LARGE2: variants seen among roughly 807,000 people sequenced by gnomAD.
LARGE2 encodes xylosyl- and glucuronyltransferase LARGE2.
Under a neutral mutation model 75.3 loss-of-function variants are expected in LARGE2, and 63 were observed. That is an observed-to-expected ratio of 0.84 (90% CI 0.68 to 1.03). LARGE2 has a LOEUF of 1.03. Ranked by LOEUF, LARGE2 falls within the 50% of genes least tolerant of loss-of-function variation. LARGE2 has a pLI of 0.00. For synonymous variants in LARGE2, 428 were observed against 420.1 expected, an observed-to-expected ratio of 1.02 and a Z score of -0.23; for missense variants, 925 against 980.6, an observed-to-expected ratio of 0.94 and a Z score of 0.76.
At chr11:45,927,620 A>G (rs755413862) in intron 11 of LARGE2, 27 bp downstream of exon 11, 8 of 1,608,304 alleles carry the variant, frequency 5.0e-6, no homozygotes, top group Non-Finnish European at 6.8e-6. Flanking sequence ...AGAGGGGAAC[A>G]ATATATGGGG....
Position 45,924,266 on chromosome 11 carries a change from G to A in LARGE2, c.481G>A (p.Asp161Asn). 3 of 1,613,194 alleles carry A rather than the reference G, an allele frequency of 1.9e-6. No individual in the cohort carries two copies. Among genetic ancestry groups the A allele is most frequent in the East Asian group, 4.5e-5 (2 of 44,864 alleles). The change falls in exon 4 of 14, where the codon GAC (aspartate) becomes AAC (asparagine). Residue 161 changes from aspartate to asparagine, a missense_variant. By Grantham distance (23) the Asp-to-Asn change is conservative (BLOSUM62 1). Transcript: ENST00000401752. ...TGTCCGTGTCAGCTTTTATCATGCCGACCAGCTCAAGGCAGGGGCCCAGCC... is the reference window on the plus strand; with the variant it reads ...TGTCCGTGTCAGCTTTTATCATGCCAACCAGCTCAAGGCAGGGGCCCAGCC... The part of the protein sequence containing the change: ...PAVRVSFYHA[D>N]QLKPQVSWIP...
rs138349426 is a variant in LARGE2, at chr11:45,928,331, G to A, written c.1909G>A (p.Gly637Ser). The change falls in exon 13 of 14, where the codon GGC becomes AGC. Residue 637 changes from glycine to serine, a missense_variant. By Grantham distance (56) the Gly-to-Ser change is moderately conservative. This residue lies in a region of LARGE2 where 469 missense variants were observed against 503.8 expected (regional missense o/e 0.93). Coordinates refer to ENST00000401752, the MANE Select transcript of LARGE2 (RefSeq NM_001300721.2). Reference protein sequence around the residue: ...PRYDPRFVGFGWNKVAHIVEL... With the variant: ...PRYDPRFVGFSWNKVAHIVEL... Reference sequence around the variant, plus strand: ...CTATGATCCTCGCTTTGTGGGCTTCGGCTGGAACAAAGTGGCCCACATTGT... The same window carrying A: ...CTATGATCCTCGCTTTGTGGGCTTCAGCTGGAACAAAGTGGCCCACATTGT... 3.3e-5 allele frequency: 54 copies of A among 1,614,144 alleles called. 1 individual carries two copies. In the African/African-American group the frequency reaches 5.5e-4, roughly 16 times the overall value.
rs1196719669 is a variant in LARGE2 at position 45,927,891 on chromosome 11, C to T, written c.1605-29C>T. 1.1e-5 allele frequency: 17 copies of T among 1,610,928 alleles called. No homozygotes were observed. In the East Asian group the frequency reaches 3.6e-4, roughly 34 times the overall value. On this transcript the variant is annotated intron_variant, in intron 11 of 13. Coordinates refer to ENST00000401752, the MANE Select transcript of LARGE2 (RefSeq NM_001300721.2). ...GCCCAGTCCTAGATGCCCCGCTCTT[C>T]TCCCCTGCTCATGGGTGCTCCTCCT...
intron 2 of LARGE2, 105 bp from the exon 3 acceptor site, chr11:45,923,368 C>T: frequency 8.1e-7 from 1 of 1,235,760 alleles, no homozygotes; most frequent in Non-Finnish European, 1.2e-6. Flanking sequence ...GCTGCCCCCT[C>T]CGCACACTGT....
At chr11:45,924,336 A>G (rs112333453) in intron 4 of LARGE2, 59 bp downstream of exon 4, 1 of 1,596,508 alleles carries the variant, frequency 6.3e-7, no homozygotes, top group Non-Finnish European at 8.5e-7. Flanking sequence ...CCTCTCTCCA[A>G]GACCTGGTGG....
chr11:45,929,051 T>TAAA lies in LARGE2; in HGVS notation c.*206_*207insAAA. The TAAA allele has an allele frequency of 4.8e-6, 3 of 631,428 alleles. No homozygotes were observed. The highest frequency in any genetic ancestry group is 3.7e-5 in the African/African-American group (2 of 54,558). The allele number at this position is 631,428 out of a possible 1,614,324, so 39.1% of individuals were successfully genotyped here. ...AGCCAGTTTGGGGCTGGTTCCCCCATCTTGAATTGTTTATCCCTTTTTCAT... is the reference window on the plus strand; with the variant it reads ...AGCCAGTTTGGGGCTGGTTCCCCCATAAACTTGAATTGTTTATCCCTTTTTCAT... On this transcript the variant is annotated 3_prime_UTR_variant, in exon 14 of 14. Coordinates refer to ENST00000401752, the MANE Select transcript of LARGE2 (RefSeq NM_001300721.2).
Position 45,926,251 on chromosome 11 carries a change from C to G in LARGE2, c.912C>G (p.His304Gln). ...QDIFNAVIKEHPGLVQRLPCV... is the reference protein window; with the variant it reads ...QDIFNAVIKEQPGLVQRLPCV... Reference sequence around the variant, plus strand: ...TCTTCAACGCTGTGATCAAGGAGCACCCGGGGCTAGTGCAGCGTCTGCCTT... The same window carrying G: ...TCTTCAACGCTGTGATCAAGGAGCAGCCGGGGCTAGTGCAGCGTCTGCCTT... The change falls in exon 8 of 14, where the codon CAC (histidine) becomes CAG (glutamine). Residue 304 changes from histidine (H) to glutamine (Q), a missense_variant. Physicochemically the swap from His to Gln is conservative, Grantham distance 24 (BLOSUM62 0). Coordinates refer to ENST00000401752, the MANE Select transcript of LARGE2 (RefSeq NM_001300721.2). 1 of 1,614,184 alleles carries G rather than the reference C, an allele frequency of 6.2e-7. No individual in the cohort carries two copies. The highest frequency in any genetic ancestry group is 8.5e-7 in the Non-Finnish European group (1 of 1,180,024).
In LARGE2 at chr11:45,926,820, C is replaced by CA; in HGVS notation, c.1275dup (p.Pro426ThrfsTer70). On this transcript the variant is annotated frameshift_variant, in exon 10 of 14. Transcript: ENST00000401752. LOFTEE classifies it high-confidence loss of function. ...GTCACTTTCCTGCCCCATGAACCGC[C>CA]ACCCCCCCGGCCTCACGATGTCACC... The CA allele has an allele frequency of 6.2e-7, 1 of 1,613,478 alleles. No individual in the cohort carries two copies. The highest frequency in any genetic ancestry group is 8.5e-7 in the Non-Finnish European group (1 of 1,180,012).
At position 45,926,039 on chromosome 11, in the gene LARGE2, G is replaced by A. The variant is rs747133536; in HGVS notation, c.770G>A (p.Gly257Asp). The change falls in exon 7 of 14, where the codon GGT becomes GAT. Residue 257 changes from glycine to aspartate, a missense_variant and splice_region_variant. This residue lies in a region of LARGE2 where 453 missense variants were observed against 460.2 expected (regional missense o/e 0.98). Coordinates refer to ENST00000401752, the MANE Select transcript of LARGE2 (RefSeq NM_001300721.2). ...CATGACAGCATCTCTTCATTGGCAG[G>A]TGTGATCCTGCTGCGGCTGGACCGG... is the stretch of plus-strand genomic sequence containing the variant. ...WPALGRGFNT[G>D]VILLRLDRLR... The A allele has an allele frequency of 6.4e-6, 10 of 1,554,544 alleles. No homozygotes were observed. Among genetic ancestry groups the A allele is most frequent in the African/African-American group, 2.7e-5 (2 of 73,354 alleles).
Position 45,922,835 on chromosome 11 carries a change from C to T in LARGE2, c.-48C>T. ...TCGGTCCGCAGGGCCTGCGATGGAG[C>T]CTGCAGCCCCGGGTCGCGTCCCTCC... On this transcript the variant is annotated 5_prime_UTR_variant, in exon 2 of 14. Transcript: ENST00000401752. The T allele has an allele frequency of 8.1e-7, 1 of 1,227,404 alleles. No homozygotes were observed. The highest frequency in any genetic ancestry group is 1.0e-6 in the Non-Finnish European group (1 of 982,720). The allele number at this position is 1,227,404 out of a possible 1,614,324, so 76.0% of individuals were successfully genotyped here.
At chr11:45,926,401 G>C (rs761289403) in intron 8 of LARGE2, 41 bp from the exon 9 acceptor site, 2 of 1,613,642 alleles carry the variant, frequency 1.2e-6, no homozygotes, top group Non-Finnish European at 1.7e-6. Flanking sequence ...GGAGACTTCT[G>C]CTCCCTGCTC....
In LARGE2 at chr11:45,922,904, C is replaced by T. The variant is rs1009836492; in HGVS notation, c.22C>T (p.Arg8Trp). 8.6e-5 allele frequency: 109 copies of T among 1,272,634 alleles called. No individual in the cohort carries two copies. The highest frequency in any genetic ancestry group is 1.1e-4 in the Non-Finnish European group (107 of 1,014,128). The allele number at this position is 1,272,634 out of a possible 1,614,324, so 78.8% of individuals were successfully genotyped here. A position where few individuals can be genotyped will look rare whatever the true frequency, so the allele number is the denominator to read the frequency against. The change falls in exon 2 of 14, where the codon CGG becomes TGG. Residue 8 changes from arginine (R) to tryptophan (W), a missense_variant. By Grantham distance (101) the Arg-to-Trp change is moderately radical (BLOSUM62 -3). This residue lies in a region of LARGE2 where 453 missense variants were observed against 460.2 expected (regional missense o/e 0.98). Transcript: ENST00000401752. Reference sequence around the variant, plus strand: ...GGCCATGCTGCCCCGAGGGCGCCCCCGGGCGCTGGGGGCCGCCGCGCTGTT... The same window carrying T: ...GGCCATGCTGCCCCGAGGGCGCCCCTGGGCGCTGGGGGCCGCCGCGCTGTT... MLPRGRPRALGAAALLLL... is the reference protein window; with the variant it reads MLPRGRPWALGAAALLLL...
Position 45,926,878 on chromosome 11 carries a change from G to T in LARGE2, c.1325+7G>T, listed in dbSNP as rs768887826. The T allele has an allele frequency of 6.8e-6, 11 of 1,606,256 alleles. No individual in the cohort carries two copies. Among genetic ancestry groups the T allele is most frequent in the Non-Finnish European group, 9.3e-6 (11 of 1,177,196 alleles). On this transcript the variant is annotated splice_region_variant and intron_variant, in intron 10 of 13. Coordinates refer to ENST00000401752, the MANE Select transcript of LARGE2 (RefSeq NM_001300721.2). Reference sequence around the variant, plus strand: ...CCCAGCTGTCCATGGACCGGTGAGGGTGCAGAGGGCAGCCCAGGGGGTATG... The same window carrying T: ...CCCAGCTGTCCATGGACCGGTGAGGTTGCAGAGGGCAGCCCAGGGGGTATG...
rs1274841038 is a variant in LARGE2 at position 45,929,067 on chromosome 11, C to A, written c.*222C>A. 4.9e-6 allele frequency: 3 copies of A among 610,588 alleles called. No homozygotes were observed. The highest frequency in any genetic ancestry group is 1.8e-5 in the African/African-American group (1 of 54,192). 37.8% of individuals were successfully genotyped at this position (610,588 alleles called of 1,614,324 possible). ...GTTCCCCCATCTTGAATTGTTTATC[C>A]CTTTTTCATAATTAAAGTTTTAAAA... is the stretch of plus-strand genomic sequence containing the variant. On this transcript the variant is annotated 3_prime_UTR_variant, in exon 14 of 14. Transcript: ENST00000401752.
chr11:45,927,302 C>T lies in LARGE2; in HGVS notation c.1326-13C>T. 1 of 1,609,288 alleles carries T rather than the reference C, an allele frequency of 6.2e-7. No homozygotes were observed. Among genetic ancestry groups the T allele is most frequent in the Non-Finnish European group, 8.5e-7 (1 of 1,178,230 alleles). ...AGAGGGGCAGAGCTGTGCTGACCTC[C>T]CTCTCCCCATAGGCTGCAGATGTTG... On this transcript the variant is annotated splice_polypyrimidine_tract_variant and intron_variant, in intron 10 of 13. Transcript: ENST00000401752.
Position 45,928,023 on chromosome 11 carries a change from G to T in LARGE2, c.1708G>T (p.Val570Leu). 1.2e-6 allele frequency: 2 copies of T among 1,613,972 alleles called. No homozygotes were observed. Among genetic ancestry groups the T allele is most frequent in the Non-Finnish European group, 1.7e-6 (2 of 1,180,020 alleles). ...CCGCTTCAGCTTCCCCCATTCCAAG[G>T]TGGAGCTGTTGGCCTTGCTGGATGC... is the stretch of plus-strand genomic sequence containing the variant. ...RYRFSFPHSK[V>L]ELLALLDAGT... The change falls in exon 12 of 14, where the codon GTG (valine) becomes TTG (leucine). Residue 570 changes from valine to leucine, a missense_variant. By Grantham distance (32) the Val-to-Leu change is conservative. Transcript: ENST00000401752.
At chr11:45,928,496 G>A in intron 13 of LARGE2, 124 bp downstream of exon 13, 1 of 1,529,284 alleles carries the variant, frequency 6.5e-7, no homozygotes. Context: ...CCCTTCTGTG[G>A]AATTAAAATA....
At chr11:45,926,418 C>T in intron 8 of LARGE2, 24 bp from the exon 9 acceptor site, 3 of 1,613,796 alleles carry the variant, frequency 1.9e-6, no homozygotes, top group South Asian at 1.1e-5. Context: ...GCTCCCATGG[C>T]CCCAACACCC....
intron 4 of LARGE2, 31 bp downstream of exon 4, chr11:45,924,308 A>G: frequency 1.2e-6 from 2 of 1,600,632 alleles, no homozygotes; most frequent in Non-Finnish European, 1.7e-6. Context: ...CCCTCCCCTC[A>G]GCTGTGTCCA....
Sources: allele counts gnomAD v4.1 joint callset, GRCh38; gene constraint gnomAD v4.1.1; regional missense constraint gnomAD v4.1.1; transcripts MANE v1.5; gene names NCBI Gene and HGNC (gene_info 2026-07-23, HGNC 2026-07-21).